SIPA1L3: variants seen among roughly 807,000 people sequenced by gnomAD.
SIPA1L3 encodes signal-induced proliferation-associated 1-like protein 3.
In SIPA1L3, 59 loss-of-function variants were observed where a neutral mutation model predicts 150.1. The observed-to-expected ratio is 0.39, with a 90% CI of 0.32 to 0.49. The LOEUF is 0.49. Among genes scored for constraint, SIPA1L3 ranks in the 20% least tolerant of loss-of-function variants. The pLI, the probability that SIPA1L3 is intolerant of heterozygous loss-of-function variation, is 0.86. For missense variants in SIPA1L3, 2,211 were observed against 2,489.5 expected, an observed-to-expected ratio of 0.89 and a Z score of 2.38; for synonymous variants, 1,070 against 1,077.6, an observed-to-expected ratio of 0.99 and a Z score of 0.14.
intron 10 of SIPA1L3, among the ~76,000 whole-genome samples, chr19:38,136,286 G>A (rs558881170): frequency 4.6e-5 from 7 of 151,260 alleles, no homozygotes; most frequent in Non-Finnish European, 7.4e-5. Flanking sequence ...ACAGGGATGC[G>A]TGTTATATCA....
At chr19:38,148,098 A>G (rs887477032) in intron 12 of SIPA1L3, among the ~76,000 whole-genome samples, 3 of 151,790 alleles carry the variant, frequency 2.0e-5, no homozygotes, top group Admixed American at 6.6e-5. Flanking sequence ...CAAGCCTGTA[A>G]TCCCAGCACT....
chr19:37,998,261 T>C (rs1967693712), intron 1 of SIPA1L3, among the ~76,000 whole-genome samples: 1 of 152,218 alleles, frequency 6.6e-6, no homozygotes, highest in Admixed American at 6.5e-5. Flanking sequence ...ACTCTGTTAC[T>C]GCAGGCTGAG....
chr19:38,102,199 A>G (rs1970519851), intron 6 of SIPA1L3, among the ~76,000 whole-genome samples: 1 of 151,794 alleles, frequency 6.6e-6, no homozygotes, highest in Non-Finnish European at 1.5e-5. Context: ...GGCATGAGCC[A>G]TCACTCCCTG....
intron 2 of SIPA1L3, among the ~76,000 whole-genome samples, chr19:38,053,287 C>T (rs1969240013): frequency 6.6e-6 from 1 of 152,210 alleles, no homozygotes; most frequent in Admixed American, 6.5e-5. Context: ...GTGACCTGGG[C>T]CCTTCTTGTA....
chr19:38,181,288 C>G (rs1972549375), intron 15 of SIPA1L3, among the ~76,000 whole-genome samples: 1 of 152,120 alleles, frequency 6.6e-6, no homozygotes, highest in Admixed American at 6.6e-5. Flanking sequence ...AGTCAAAGTA[C>G]CATCCTGTGA....
At chr19:38,024,860 A>G (rs1313027110) in intron 1 of SIPA1L3, among the ~76,000 whole-genome samples, 2 of 152,034 alleles carry the variant, frequency 1.3e-5, no homozygotes, top group Non-Finnish European at 2.9e-5. Flanking sequence ...AACCTCCCCA[A>G]CTCAAATTGA....
chr19:38,024,700 G>C (rs1968461263), intron 1 of SIPA1L3, among the ~76,000 whole-genome samples: 1 of 152,176 alleles, frequency 6.6e-6, no homozygotes, highest in African/African-American at 2.4e-5. Flanking sequence ...CTTTGAGACA[G>C]GCAGTATTTT....
intron 8 of SIPA1L3, among the ~76,000 whole-genome samples, chr19:38,111,975 AC>A: frequency 1.1e-5 from 1 of 94,502 alleles, no homozygotes; most frequent in African/African-American, 7.0e-5. Context: ...ACATGCACAC[AC>A]ATGCACACAG....
At chr19:37,938,579 A>G (rs2046622335) in intron 1 of SIPA1L3, among the ~76,000 whole-genome samples, 1 of 147,994 alleles carries the variant, frequency 6.8e-6, no homozygotes, top group Non-Finnish European at 1.5e-5. Context: ...CCTTCTGGAT[A>G]TTGCTTGCTC....
intron 18 of SIPA1L3, among the ~76,000 whole-genome samples, chr19:38,194,779 G>A (rs1019108732): frequency 2.0e-5 from 3 of 152,256 alleles, no homozygotes; most frequent in African/African-American, 7.2e-5. Context: ...GGCCGGGCGC[G>A]GTGGCTCACG....
chr19:38,118,028 C>T (rs990844686), intron 8 of SIPA1L3, among the ~76,000 whole-genome samples: 17 of 152,288 alleles, frequency 1.1e-4, no homozygotes, highest in African/African-American at 4.1e-4. Flanking sequence ...TTACAATGAA[C>T]TTCCTTTATT....
intron 1 of SIPA1L3, among the ~76,000 whole-genome samples, chr19:37,967,779 A>C (rs1461987521): frequency 2.6e-5 from 4 of 152,194 alleles, no homozygotes; most frequent in Non-Finnish European, 5.9e-5. Flanking sequence ...AACTTTAAAA[A>C]AAAAAGTTAT....
chr19:37,910,790 A>G lies in SIPA1L3; in HGVS notation c.-379+3432A>G, dbSNP rs1317941167. Among the ~76,000 whole-genome samples the G allele has an allele frequency of 2.0e-5, 3 of 152,104 alleles. No homozygotes were observed. In the East Asian group the frequency reaches 5.8e-4, roughly 29 times the overall value. ...TGGCTAATTTTTGTATTTTTAGTAG[A>G]GATGGGGTTTCGCCATGTTGGCCTC... On this transcript the variant is annotated intron_variant, in intron 1 of 21. Coordinates refer to ENST00000222345, the MANE Select transcript of SIPA1L3 (RefSeq NM_015073.3).
Position 38,050,594 on chromosome 19 carries a change from G to A in SIPA1L3, c.-311+21438G>A, listed in dbSNP as rs150020955. Among the ~76,000 whole-genome samples, 624 of 152,276 alleles carry A rather than the reference G, an allele frequency of 4.1e-3. 6 individuals are homozygous for A. The highest frequency in any genetic ancestry group is 0.02 in the East Asian group (102 of 5,186). ...AATGTTGTATCCTTTCACTTTCAATGCACGTCAGAATGGCTCTGCCTGTGG... is the reference window on the plus strand; with the variant it reads ...AATGTTGTATCCTTTCACTTTCAATACACGTCAGAATGGCTCTGCCTGTGG... On this transcript the variant is annotated intron_variant, in intron 2 of 21. Transcript: ENST00000222345.
chr19:38,152,230 C>T (rs1971840176), intron 12 of SIPA1L3, among the ~76,000 whole-genome samples: 1 of 152,194 alleles, frequency 6.6e-6, no homozygotes, highest in East Asian at 1.9e-4. Flanking sequence ...TGTCAGGAAT[C>T]AAACCCCTGC....
rs1266875565 is a variant in SIPA1L3 at position 38,187,433 on chromosome 19, CAA to C, written c.4430+4694_4430+4695del. Among the ~76,000 whole-genome samples, 5 of 151,586 alleles carry C rather than the reference CAA, an allele frequency of 3.3e-5. No individual in the cohort carries two copies. The East Asian group carries it at 7.8e-4, about 24-fold the overall frequency. On this transcript the variant is annotated intron_variant, in intron 16 of 21. Transcript: ENST00000222345. ...TGCCACTGCACTACAGCCTGGGCAA[CAA>C]GAGTGAAACTCTTTCTCAAAAAAAA...
chr19:37,908,820 A>G (rs1024033353), intron 1 of SIPA1L3, among the ~76,000 whole-genome samples: 9 of 152,040 alleles, frequency 5.9e-5, no homozygotes, highest in African/African-American at 2.2e-4. Context: ...ACCCCTCCCC[A>G]CAGAGCCAGT....
intron 8 of SIPA1L3, among the ~76,000 whole-genome samples, chr19:38,118,438 A>G (rs1055462043): frequency 4.6e-5 from 7 of 152,144 alleles, no homozygotes; most frequent in South Asian, 4.1e-4. Flanking sequence ...CACACGGTCT[A>G]TGTATTTAAA....
intron 4 of SIPA1L3, among the ~76,000 whole-genome samples, chr19:38,093,726 G>A (rs117786661): frequency 0.016 from 2,501 of 152,260 alleles, 36 homozygotes; most frequent in Non-Finnish European, 0.025. Flanking sequence ...CCAGATGGCC[G>A]TCCCCAGCCG....
Sources: gnomAD v4.1 joint callset for allele counts (sites outside exome capture counted in the v4.1 genomes callset) on GRCh38, gnomAD v4.1.1 for gene constraint, MANE v1.5 for transcripts, NCBI Gene and HGNC (gene_info 2026-07-23, HGNC 2026-07-21) for gene names.